Variants in EP400 observed in about 807,000 individuals in gnomAD.
The protein encoded by EP400 is E1A-binding protein p400.
Under a neutral mutation model 354.1 loss-of-function variants are expected in EP400, and 105 were observed. The observed-to-expected ratio is 0.30, with a 90% CI of 0.25 to 0.35. EP400 has a LOEUF of 0.35. Ranked by LOEUF, EP400 falls within the 10% of genes least tolerant of loss-of-function variation. The pLI is 1.00. For synonymous variants in EP400, 1,646 were observed against 1,716.9 expected (o/e 0.96, Z 1.02); for missense variants, 3,280 against 4,121.0 (o/e 0.80, Z 5.59).
intron 15 of EP400, among the ~76,000 whole-genome samples, chr12:132,010,932 C>T (rs1230675112): frequency 6.6e-6 from 1 of 152,144 alleles, no homozygotes; most frequent in African/African-American, 2.4e-5. Flanking sequence ...ACAAGAGCAA[C>T]ACTCCATCTT....
chr12:131,955,395 G>C (rs760178511), intron 1 of EP400, among the ~76,000 whole-genome samples: 2 of 150,348 alleles, frequency 1.3e-5, no homozygotes, highest in Non-Finnish European at 3.0e-5. Context: ...CAATTCTCTT[G>C]CCTCAGCCTC....
At chr12:132,076,240 TTTTTGTGAA>T in intron 51 of EP400, 1 of 501,638 alleles carries the variant, frequency 2.0e-6, no homozygotes, top group Non-Finnish European at 3.7e-6. Flanking sequence ...CTTGCAGTCG[TTTTTGTGAA>T]AAGAAAAAAT....
At chr12:131,952,397 T>G (rs190453325) in intron 1 of EP400, among the ~76,000 whole-genome samples, 214 of 151,900 alleles carry the variant, frequency 1.4e-3, no homozygotes, top group African/African-American at 5.0e-3. Context: ...TCCACCCACT[T>G]CGGCCTCCCA....
intron 1 of EP400, among the ~76,000 whole-genome samples, chr12:131,957,211 G>C (rs1248022348): frequency 6.6e-6 from 1 of 151,986 alleles, no homozygotes; most frequent in Non-Finnish European, 1.5e-5. Flanking sequence ...GGATTTTAAT[G>C]TTTTTCTTAC....
intron 1 of EP400, among the ~76,000 whole-genome samples, chr12:131,957,665 G>C (rs547648775): frequency 6.6e-6 from 1 of 151,632 alleles, no homozygotes; most frequent in African/African-American, 2.4e-5. Context: ...GCTCAGTCTC[G>C]GCTCACTGCA....
In EP400 at chr12:132,027,406, C is replaced by G; in HGVS notation, c.5015-31C>G. On this transcript the variant is annotated intron_variant, in intron 25 of 52. Coordinates refer to ENST00000389561, the MANE Select transcript of EP400 (RefSeq NM_015409.5). This position sits in a 1 kb window ranked among gnomAD's most constrained non-coding sequence, Gnocchi z 4.9. ...GATGAAATCCTGTGAACTTGGCGTT[C>G]CTTTTCACCTCTTCCTTTATGCATT... is the stretch of plus-strand genomic sequence containing the variant. 6.2e-7 allele frequency: 1 copy of G among 1,611,310 alleles called. No homozygotes were observed. Among genetic ancestry groups the G allele is most frequent in the Non-Finnish European group, 8.5e-7 (1 of 1,177,714 alleles).
At chr12:131,996,015 T>A (rs1048918793) in intron 12 of EP400, among the ~76,000 whole-genome samples, 3 of 152,268 alleles carry the variant, frequency 2.0e-5, no homozygotes, top group Non-Finnish European at 4.4e-5. Context: ...CACCACAGTT[T>A]GATGGGCTTG....
At chr12:131,979,211 C>CA (rs1227389562) in intron 2 of EP400, among the ~76,000 whole-genome samples, 961 of 76,150 alleles carry the variant, frequency 0.013, 11 homozygotes, top group Admixed American at 0.061. Flanking sequence ...GACTCCGTCT[C>CA]AAAAAAAAAA....
At chr12:132,019,241 C>T (rs1894042540) in intron 21 of EP400, among the ~76,000 whole-genome samples, 1 of 152,136 alleles carries the variant, frequency 6.6e-6, no homozygotes, top group Non-Finnish European at 1.5e-5. Context: ...AGAGGTCTCC[C>T]TGTGTTGCCA....
intron 51 of EP400, chr12:132,076,089 G>A (rs1168710837): frequency 1.8e-5 from 4 of 223,960 alleles, no homozygotes; most frequent in Admixed American, 9.9e-5. Context: ...GCGTCACCGG[G>A]TTCCCCACTT....
chr12:131,991,557 C>A, intron 10 of EP400, 101 bp downstream of exon 10: 40 of 933,496 alleles, frequency 4.3e-5, no homozygotes, highest in Middle Eastern at 2.2e-4. Flanking sequence ...TAGGCTGTGA[C>A]TATTACTTCC....
At chr12:131,998,133 A>G (rs557183156) in intron 12 of EP400, among the ~76,000 whole-genome samples, 28 of 152,068 alleles carry the variant, frequency 1.8e-4, no homozygotes, top group African/African-American at 6.3e-4. Flanking sequence ...TTATTCTTTT[A>G]TTGGCAAATT....
In EP400 at chr12:132,023,763, C is replaced by T; in HGVS notation, c.4691-14C>T. The T allele has an allele frequency of 1.9e-6, 3 of 1,610,506 alleles. No individual in the cohort carries two copies. Among genetic ancestry groups the T allele is most frequent in the Non-Finnish European group, 2.5e-6 (3 of 1,179,126 alleles). On this transcript the variant is annotated splice_polypyrimidine_tract_variant and intron_variant, in intron 23 of 52. Coordinates refer to ENST00000389561, the MANE Select transcript of EP400 (RefSeq NM_015409.5). ...AAATGATCTGAATTCACCTTTTCCT[C>T]TACGTTTCAACAGGTGGAGAGGTAG...
intron 15 of EP400, among the ~76,000 whole-genome samples, chr12:132,010,610 T>C (rs1352891369): frequency 6.6e-6 from 1 of 152,226 alleles, no homozygotes; most frequent in Admixed American, 6.5e-5. Context: ...AGCACAGAAG[T>C]TGAAATTTGT....
In EP400 at chr12:132,036,592, G is replaced by A. The variant is rs572566209; in HGVS notation, c.5952-1090G>A. 3.9e-5 allele frequency among the ~76,000 whole-genome samples: 6 copies of A among 152,392 alleles called. No homozygotes were observed. The South Asian group carries it at 1.0e-3, about 26-fold the overall frequency. ...TTAGGAAAAGTGTGCCCGCGGAAGC[G>A]CACACTGTCACACGTGCAGCAGCAC... is the stretch of plus-strand genomic sequence containing the variant. On this transcript the variant is annotated intron_variant, in intron 30 of 52. Transcript: ENST00000389561.
intron 12 of EP400, 48 bp from the exon 13 acceptor site, chr12:132,005,029 C>G (rs1184100465): frequency 7.1e-7 from 1 of 1,413,130 alleles, no homozygotes; most frequent in Admixed American, 2.0e-5. Flanking sequence ...ATTTAAATTA[C>G]AGTTGTTGTT....
At chr12:131,974,642 T>C (rs1257250848) in intron 2 of EP400, among the ~76,000 whole-genome samples, 2 of 152,176 alleles carry the variant, frequency 1.3e-5, no homozygotes, top group African/African-American at 4.8e-5. Flanking sequence ...AGAGTGTTTT[T>C]TCTTTGTGAG....
rs761605055 is a variant in EP400, at chr12:132,070,871, A to G, written c.9021+1230A>G. The stretch of plus-strand genomic sequence containing the variant: ...TCCATTTTCTGTCTCTGGCTGTTGT[A>G]CATTTTTGTACATTAGTTTTTTATT... On this transcript the variant is annotated intron_variant, in intron 51 of 52. Transcript: ENST00000389561. This position sits in a 1 kb window ranked among gnomAD's most constrained non-coding sequence, Gnocchi z 4.1. 1.3e-5 allele frequency among the ~76,000 whole-genome samples: 2 copies of G among 152,118 alleles called. No individual in the cohort carries two copies. Among genetic ancestry groups the G allele is most frequent in the Non-Finnish European group, 2.9e-5 (2 of 68,024 alleles).
At chr12:131,996,526 C>CATG (rs1229783119) in intron 12 of EP400, among the ~76,000 whole-genome samples, 4 of 152,108 alleles carry the variant, frequency 2.6e-5, no homozygotes, top group African/African-American at 7.2e-5. Flanking sequence ...CTCCTGACCT[C>CATG]ATGATCCACC....
Sources: allele counts gnomAD v4.1 joint callset (sites outside exome capture counted in the v4.1 genomes callset), GRCh38; gene constraint gnomAD v4.1.1; non-coding constraint Gnocchi (gnomAD v3.1); transcripts MANE v1.5; gene names NCBI Gene and HGNC (gene_info 2026-07-23, HGNC 2026-07-21).